YJU2B: variants seen among roughly 807,000 people sequenced by gnomAD.
The protein encoded by YJU2B is YJU2 splicing factor homolog B, also known as probable splicing factor YJU2B.
Under a neutral mutation model 38.0 loss-of-function variants are expected in YJU2B, and 18 were observed. The observed-to-expected ratio is 0.47, with a 90% CI of 0.33 to 0.70. YJU2B has a LOEUF of 0.70. Among genes scored for constraint, YJU2B ranks in the 30% least tolerant of loss-of-function variants. The probability of loss-of-function intolerance (pLI) is 0.02; values close to 1 mark genes in which losing one functional copy is unlikely to be tolerated. For synonymous variants in YJU2B, 246 were observed against 225.4 expected, an observed-to-expected ratio of 1.09 and a Z score of -0.82; for missense variants, 538 against 556.3, an observed-to-expected ratio of 0.97 and a Z score of 0.33.
chr19:13,759,327 G>T (rs768858567), intron 8 of YJU2B, 55 bp downstream of exon 8: 7 of 1,447,442 alleles, frequency 4.8e-6, no homozygotes, highest in African/African-American at 4.2e-5. Flanking sequence ...CCAAGGCCCG[G>T]GTCCAGCCCT....
At chr19:13,738,207 A>C (rs1317255101) in intron 2 of YJU2B, among the ~76,000 whole-genome samples, 2 of 152,214 alleles carry the variant, frequency 1.3e-5, no homozygotes, top group Non-Finnish European at 2.9e-5. Context: ...TTTCCTCTTC[A>C]TCGTGGCCTT....
rs770055957 is a variant in YJU2B, at chr19:13,759,116, G to A, written c.417G>A (p.Gln139=). 34 of 1,613,700 alleles carry A rather than the reference G, an allele frequency of 2.1e-5. No individual in the cohort carries two copies. The highest frequency in any genetic ancestry group is 2.6e-5 in the Non-Finnish European group (31 of 1,179,948). Residue 139 remains glutamine, a synonymous_variant, in exon 8 of 10, where the codon CAG becomes CAA. Coordinates refer to ENST00000221554, the MANE Select transcript of YJU2B (RefSeq NM_030818.4). ...QVLTTEHEKK[Q]KLETDAMFRL... is the part of the protein sequence containing the mutation. ...TCGTTGCAGAGCATGAGAAGAAGCA[G>A]AAGCTGGAGACGGACGCCATGTTCC...
In YJU2B at chr19:13,763,248, T is replaced by C; in HGVS notation, c.*180T>C. ...ATTTATTTGGTCCTGGTGAGGGTGT[T>C]TGTGCCTTGTGAGACTCCGTACATT... On this transcript the variant is annotated 3_prime_UTR_variant, in exon 10 of 10. Coordinates refer to ENST00000221554, the MANE Select transcript of YJU2B (RefSeq NM_030818.4). The C allele has an allele frequency of 1.8e-6, 1 of 555,924 alleles. No homozygotes were observed. The highest frequency in any genetic ancestry group is 2.6e-5 in the South Asian group (1 of 38,642). The allele number at this position is 555,924 out of a possible 1,614,324, so 34.4% of individuals were successfully genotyped here.
chr19:13,743,002 T>A (rs1973132970), upstream of YJU2B, among the ~76,000 whole-genome samples: 1 of 152,204 alleles, frequency 6.6e-6, no homozygotes, highest in South Asian at 2.1e-4. Flanking sequence ...AACTGAGGTC[T>A]GCTTACCCAG....
chr19:13,750,705 C>CA lies in YJU2B; in HGVS notation c.-201-896dup, dbSNP rs1265193730. ...TGAAACCCTGTCTCTACTAAAAATA[C>CA]AAAAAAATTAGCCAGGCTTGGTGGC... is the stretch of plus-strand genomic sequence containing the variant. On this transcript the variant is annotated intron_variant, in intron 1 of 9. Coordinates refer to ENST00000221554, the MANE Select transcript of YJU2B (RefSeq NM_030818.4). 1.5e-4 allele frequency among the ~76,000 whole-genome samples: 23 copies of CA among 151,620 alleles called. No homozygotes were observed. The East Asian group carries it at 4.5e-3, about 30-fold the overall frequency.
At chr19:13,753,889 A>G (rs1973566185) in intron 2 of YJU2B, among the ~76,000 whole-genome samples, 1 of 152,068 alleles carries the variant, frequency 6.6e-6, no homozygotes, top group Non-Finnish European at 1.5e-5. Context: ...TATGGGAACT[A>G]CAATTCAAGA....
chr19:13,737,815 A>C (rs1972994396), intron 2 of YJU2B, among the ~76,000 whole-genome samples: 1 of 151,730 alleles, frequency 6.6e-6, no homozygotes. Context: ...TAAGTTAGCC[A>C]GATGTAGCTG....
intron 3 of YJU2B, among the ~76,000 whole-genome samples, chr19:13,754,989 T>C (rs1973608414): frequency 6.6e-6 from 1 of 152,004 alleles, no homozygotes; most frequent in South Asian, 2.1e-4. Context: ...AGTTTCTCCA[T>C]ACGTCAGAAG....
chr19:13,752,937 A>G (rs1166033649), intron 2 of YJU2B, among the ~76,000 whole-genome samples: 1 of 148,468 alleles, frequency 6.7e-6, no homozygotes, highest in Non-Finnish European at 1.5e-5. Flanking sequence ...AGAAAACAAG[A>G]GCGACTCTTC....
chr19:13,741,017 T>C (rs971495166), intron 2 of YJU2B, among the ~76,000 whole-genome samples: 1 of 152,228 alleles, frequency 6.6e-6, no homozygotes, highest in Non-Finnish European at 1.5e-5. Flanking sequence ...TTTAGGCCTC[T>C]ATACTTTGGG....
chr19:13,754,435 GC>G, intron 3 of YJU2B, 93 bp downstream of exon 3: 1 of 1,064,508 alleles, frequency 9.4e-7, no homozygotes, highest in Non-Finnish European at 1.5e-6. Flanking sequence ...AGGATGGGTG[GC>G]CCCCAAGGTC....
intron 6 of YJU2B, 36 bp downstream of exon 6, chr19:13,757,882 G>A (rs1973729712): frequency 6.3e-7 from 1 of 1,589,808 alleles, no homozygotes; most frequent in Non-Finnish European, 8.6e-7. Context: ...GGAACAGGTG[G>A]GGTGGCCACA....
At chr19:13,743,630 C>T (rs776898837), upstream of YJU2B, among the ~76,000 whole-genome samples, 1 of 139,078 alleles carries the variant, frequency 7.2e-6, no homozygotes, top group African/African-American at 2.7e-5. Flanking sequence ...CAGTGGCTCA[C>T]GCCTGTAATC....
intron 8 of YJU2B, among the ~76,000 whole-genome samples, 180 bp from the exon 9 acceptor site, chr19:13,762,119 C>G (rs1317741262): frequency 6.6e-6 from 1 of 152,058 alleles, no homozygotes; most frequent in East Asian, 1.9e-4. Flanking sequence ...CGCTTGAGCC[C>G]AGGAGTTCGA....
rs1332717536 is a variant in YJU2B, at chr19:13,759,198, A to G, written c.499A>G (p.Ser167Gly). 6.2e-7 allele frequency: 1 copy of G among 1,613,428 alleles called. No homozygotes were observed. The highest frequency in any genetic ancestry group is 1.3e-5 in the African/African-American group (1 of 74,924). The change falls in exon 8 of 10, where the codon AGC (serine) becomes GGC (glycine). Residue 167 changes from serine (S) to glycine (G), a missense_variant. Physicochemically the swap from Ser to Gly is moderately conservative, Grantham distance 56 (BLOSUM62 0). Around this residue, in one of 2 missense-constraint regions of YJU2B, gnomAD observed 488 missense variants for 469.5 expected, o/e 1.04. Transcript: ENST00000221554. The stretch of plus-strand genomic sequence containing the variant: ...ACTCAAGAAGGCGCTGCCCACACTG[A>G]GCCACATCCAGGAGGCCCAGAGCGC... ...STLKKALPTLSHIQEAQSAWK... is the reference protein window; with the variant it reads ...STLKKALPTLGHIQEAQSAWK...
At chr19:13,749,427 G>T (rs1973371031) in intron 1 of YJU2B, among the ~76,000 whole-genome samples, 1 of 152,192 alleles carries the variant, frequency 6.6e-6, no homozygotes. Flanking sequence ...TTGGCATGCA[G>T]CTACGCCCGT....
chr19:13,743,436 C>T (rs761072163), upstream of YJU2B, among the ~76,000 whole-genome samples: 17 of 148,344 alleles, frequency 1.1e-4, no homozygotes, highest in Non-Finnish European at 2.5e-4. Flanking sequence ...AAACATTAGC[C>T]GGATGTGGTG....
At position 13,762,826 on chromosome 19, in the gene YJU2B, G is replaced by A; in HGVS notation, c.949G>A (p.Gly317Arg). ...PQHAADTPKS[G>R]EPRVPEEAAQ... is the part of the protein sequence containing the mutation. Reference sequence around the variant, plus strand: ...GCATGCGGCCGACACCCCCAAGTCTGGGGAACCGCGGGTACCAGAGGAGGC... The same window carrying A: ...GCATGCGGCCGACACCCCCAAGTCTAGGGAACCGCGGGTACCAGAGGAGGC... The change falls in exon 10 of 10, where the codon GGG becomes AGG. Residue 317 changes from glycine to arginine, a missense_variant. By Grantham distance (125) the Gly-to-Arg change is moderately radical (BLOSUM62 -2). Around this residue, in one of 2 missense-constraint regions of YJU2B, gnomAD observed 488 missense variants for 469.5 expected, o/e 1.04. Transcript: ENST00000221554. 1.9e-6 allele frequency: 3 copies of A among 1,604,214 alleles called. No homozygotes were observed. Among genetic ancestry groups the A allele is most frequent in the Non-Finnish European group, 2.6e-6 (3 of 1,176,250 alleles).
chr19:13,760,536 C>G (rs73009850), intron 8 of YJU2B, among the ~76,000 whole-genome samples: 16 of 152,046 alleles, frequency 1.1e-4, no homozygotes, highest in Admixed American at 1.0e-3. Context: ...GAGACCATAG[C>G]TCACCCCTAC....
Sources: gnomAD v4.1 joint callset for allele counts (sites outside exome capture counted in the v4.1 genomes callset) on GRCh38, gnomAD v4.1.1 for gene constraint, gnomAD v4.1.1 regional missense constraint, MANE v1.5 for transcripts, NCBI Gene and HGNC (gene_info 2026-07-23, HGNC 2026-07-21) for gene names.